Variants in ANKRD11 observed in about 807,000 individuals in gnomAD.
ANKRD11 encodes ankyrin repeat domain-containing protein 11.
In ANKRD11, 17 loss-of-function variants were observed where a neutral mutation model predicts 195.7. The observed-to-expected ratio is 0.09, with a 90% CI of 0.06 to 0.13. The LOEUF (loss-of-function observed/expected upper bound fraction) is 0.13. Among genes scored for constraint, ANKRD11 ranks in the 10% least tolerant of loss-of-function variants. The pLI is 1.00. For missense variants in ANKRD11, 3,735 were observed against 3,566.1 expected, an observed-to-expected ratio of 1.05 and a Z score of -1.21; for synonymous variants, 1,953 against 1,528.1, an observed-to-expected ratio of 1.28 and a Z score of -6.49.
chr16:89,291,157 T>G lies in ANKRD11; in HGVS notation c.253A>C (p.Ile85Leu). ...TTCCGGGTGACAGGCTCCTTCTTAATCCTCTTCCGCTCAGGGCCCTGCTTC... is the reference window on the plus strand; with the variant it reads ...TTCCGGGTGACAGGCTCCTTCTTAAGCCTCTTCCGCTCAGGGCCCTGCTTC... Reference protein sequence around the residue: ...TEKQGPERKRIKKEPVTRKAG... With the variant: ...TEKQGPERKRLKKEPVTRKAG... Residue 85 changes from isoleucine (I) to leucine (L), a missense_variant, in exon 5 of 13, where the codon ATT becomes CTT. Coordinates refer to ENST00000301030, the MANE Select transcript of ANKRD11 (RefSeq NM_013275.6). This position sits in a 1 kb window ranked among gnomAD's most constrained non-coding sequence, Gnocchi z 5.3. 6.2e-7 allele frequency: 1 copy of G among 1,613,674 alleles called. No homozygotes were observed. The highest frequency in any genetic ancestry group is 1.6e-4 in the Middle Eastern group (1 of 6,062).
At chr16:89,427,098 G>A (rs2042747398) in intron 1 of ANKRD11, among the ~76,000 whole-genome samples, 1 of 152,118 alleles carries the variant, frequency 6.6e-6, no homozygotes, top group South Asian at 2.1e-4. Context: ...ATATACAAAA[G>A]TCAGCTGTAT....
At chr16:89,304,360 A>T (rs2036036477) in intron 4 of ANKRD11, among the ~76,000 whole-genome samples, 1 of 151,220 alleles carries the variant, frequency 6.6e-6, no homozygotes, top group Non-Finnish European at 1.5e-5. Context: ...GCGCATACAC[A>T]GGCATGCACA....
At chr16:89,442,545 A>T (rs551492275) in intron 1 of ANKRD11, among the ~76,000 whole-genome samples, 18 of 152,270 alleles carry the variant, frequency 1.2e-4, no homozygotes, top group African/African-American at 4.3e-4. Flanking sequence ...CCTAGATTTT[A>T]GGTCAAAACA....
At chr16:89,409,582 G>C (rs189670035) in intron 2 of ANKRD11, among the ~76,000 whole-genome samples, 206 of 152,302 alleles carry the variant, frequency 1.4e-3, no homozygotes, top group Admixed American at 5.4e-3. Flanking sequence ...GGGAGGCAGA[G>C]GAGGAAGGAC....
At chr16:89,486,274 T>G (rs1217077150) in intron 1 of ANKRD11, among the ~76,000 whole-genome samples, 1 of 151,998 alleles carries the variant, frequency 6.6e-6, no homozygotes, top group Non-Finnish European at 1.5e-5. Context: ...ACCCTGTTTC[T>G]ACAAAAAGTA....
At chr16:89,431,219 C>CG (rs2042963341) in intron 1 of ANKRD11, 1 of 152,344 alleles carries the variant, frequency 6.6e-6, no homozygotes, top group African/African-American at 2.4e-5. Context: ...GCAAGCTGGC[C>CG]GGTGCGTGCG....
chr16:89,461,939 T>C (rs994269494), intron 1 of ANKRD11, among the ~76,000 whole-genome samples: 3 of 152,112 alleles, frequency 2.0e-5, no homozygotes, highest in East Asian at 3.9e-4. Flanking sequence ...AGAGCATCTA[T>C]TGAAAAAGCC....
intron 2 of ANKRD11, chr16:89,373,634 G>GA (rs1373690634): frequency 6.6e-6 from 1 of 152,200 alleles, no homozygotes; most frequent in Non-Finnish European, 1.5e-5. Flanking sequence ...ACATTCCCAC[G>GA]AGCTGCTTTA....
Position 89,291,217 on chromosome 16 carries a change from AT to A in ANKRD11, c.227-35del. 1 of 1,609,546 alleles carries A rather than the reference AT, an allele frequency of 6.2e-7. No individual in the cohort carries two copies. Among genetic ancestry groups the A allele is most frequent in the Non-Finnish European group, 8.5e-7 (1 of 1,179,674 alleles). Reference sequence around the variant, plus strand: ...CGGGCGAGGGAGAGAGGGAGGAGAGATTTCATGCCATGGTGTCCTCCAAAGC... The same window carrying A: ...CGGGCGAGGGAGAGAGGGAGGAGAGATTCATGCCATGGTGTCCTCCAAAGC... On this transcript the variant is annotated intron_variant, in intron 4 of 12. Transcript: ENST00000301030. This position sits in a 1 kb window ranked among gnomAD's most constrained non-coding sequence, Gnocchi z 5.3.
intron 4 of ANKRD11, chr16:89,301,589 A>T: frequency 2.5e-6 from 1 of 398,748 alleles, no homozygotes. Flanking sequence ...TGCTGCACCC[A>T]CAGCCCTTAC....
intron 2 of ANKRD11, among the ~76,000 whole-genome samples, chr16:89,373,685 T>C (rs1446036500): frequency 6.6e-6 from 1 of 152,162 alleles, no homozygotes; most frequent in Non-Finnish European, 1.5e-5. Flanking sequence ...CGCTGATGCA[T>C]AAGGAAGACC....
chr16:89,345,078 T>A (rs1374527092), intron 2 of ANKRD11, among the ~76,000 whole-genome samples: 1 of 151,810 alleles, frequency 6.6e-6, no homozygotes, highest in Non-Finnish European at 1.5e-5. Context: ...TCTCAACCAC[T>A]CCCTGCTTAA....
At chr16:89,399,049 C>A (rs950857711) in intron 2 of ANKRD11, among the ~76,000 whole-genome samples, 3 of 152,166 alleles carry the variant, frequency 2.0e-5, no homozygotes, top group Non-Finnish European at 2.9e-5. Context: ...CCAAGCAAGG[C>A]ATTTTCAGTG....
intron 2 of ANKRD11, among the ~76,000 whole-genome samples, chr16:89,384,446 C>T (rs1490727181): frequency 1.3e-5 from 2 of 151,448 alleles, no homozygotes; most frequent in Non-Finnish European, 2.9e-5. Flanking sequence ...CAGAGCAGAA[C>T]GGGATGGGAT....
chr16:89,282,670 T>C lies in ANKRD11; in HGVS notation c.3872A>G (p.Glu1291Gly), dbSNP rs377605019. The change falls in exon 9 of 13, where the codon GAG becomes GGG. Residue 1291 changes from glutamate (E) to glycine (G), a missense_variant. Physicochemically the swap from Glu to Gly is moderately conservative, Grantham distance 98 (BLOSUM62 -2). Coordinates refer to ENST00000301030, the MANE Select transcript of ANKRD11 (RefSeq NM_013275.6). The stretch of plus-strand genomic sequence containing the variant: ...TTTATCGTTGGAGTCTTCTCTGTAC[T>C]CATGGAGAGCCTCTTCTTCCAACTT... ...LEKLEEEALH[E>G]YREDSNDKIS... The C allele has an allele frequency of 5.8e-5, 94 of 1,614,060 alleles. No homozygotes were observed. Among genetic ancestry groups the C allele is most frequent in the Non-Finnish European group, 7.8e-5 (92 of 1,180,050 alleles).
chr16:89,323,214 T>G, intron 2 of ANKRD11: 1 of 935,986 alleles, frequency 1.1e-6, no homozygotes, highest in Non-Finnish European at 1.5e-6. Context: ...TCCAACGGAC[T>G]GAGCGGAGGA....
chr16:89,327,081 T>TGGAAATGCAGAGGTG (rs61194863), intron 2 of ANKRD11, among the ~76,000 whole-genome samples: 86,304 of 142,088 alleles, frequency 0.61, 26,544 homozygotes, highest in Middle Eastern at 0.7. Context: ...ATGCAGAGGT[T>TGGAAATGCAGAGGTG]GGAAATGCAG....
At chr16:89,465,714 T>C (rs2056857912) in intron 1 of ANKRD11, among the ~76,000 whole-genome samples, 1 of 152,092 alleles carries the variant, frequency 6.6e-6, no homozygotes. Context: ...CTTGTTTTTG[T>C]TATTTTTTGA....
At chr16:89,477,053 G>GA (rs560364331) in intron 1 of ANKRD11, among the ~76,000 whole-genome samples, 112 of 152,310 alleles carry the variant, frequency 7.4e-4, no homozygotes, top group African/African-American at 2.6e-3. Context: ...GACGGAGTAA[G>GA]AAACAGAGAA....
Sources: gnomAD v4.1 joint callset for allele counts (sites outside exome capture counted in the v4.1 genomes callset) on GRCh38, gnomAD v4.1.1 for gene constraint, Gnocchi (gnomAD v3.1) non-coding constraint, MANE v1.5 for transcripts, NCBI Gene and HGNC (gene_info 2026-07-23, HGNC 2026-07-21) for gene names.